Variants in MSR1 observed in about 807,000 individuals in gnomAD.
MSR1 encodes macrophage scavenger receptor types I and II.
A neutral mutation model predicts 47.2 loss-of-function variants in MSR1; 53 were observed. That is an observed-to-expected ratio of 1.12 (90% CI 0.90 to 1.41). The LOEUF (loss-of-function observed/expected upper bound fraction) is 1.41, where lower values mean the gene tolerates loss of function less well. Ranked by LOEUF, MSR1 falls within the 40% of genes most tolerant of loss-of-function variation. MSR1 has a pLI of 0.00. For missense variants in MSR1, 786 were observed against 546.9 expected (o/e 1.44, Z -4.36); for synonymous variants, 239 against 185.6 (o/e 1.29, Z -2.34).
rs188790023 is a variant in MSR1 at position 16,116,022 on chromosome 8, T to C, written c.1222+4396A>G. Among the ~76,000 whole-genome samples the C allele has an allele frequency of 1.3e-5, 2 of 152,154 alleles. 1 individual carries two copies. The highest frequency in any genetic ancestry group is 2.9e-5 in the Non-Finnish European group (2 of 68,014). On this transcript the variant is annotated intron_variant, in intron 9 of 9. Coordinates refer to ENST00000262101, the MANE Select transcript of MSR1 (RefSeq NM_138715.3). Reference sequence around the variant, plus strand: ...AAATCTAAGTCATATTAGTGGGATATCTACTTTGAATTAGCCTTGGAATAT... The same window carrying C: ...AAATCTAAGTCATATTAGTGGGATACCTACTTTGAATTAGCCTTGGAATAT...
At chr8:16,183,381 T>G (rs1801892854) in intron 1 of MSR1, among the ~76,000 whole-genome samples, 1 of 151,684 alleles carries the variant, frequency 6.6e-6, no homozygotes, top group East Asian at 1.9e-4. Flanking sequence ...CCACATTATG[T>G]CACTACAGCC....
intron 8 of MSR1, among the ~76,000 whole-genome samples, chr8:16,137,245 G>A (rs1800412779): frequency 6.6e-6 from 1 of 152,050 alleles, no homozygotes; most frequent in African/African-American, 2.4e-5. Context: ...AATATCCTTA[G>A]GAGGGAGACT....
intron 8 of MSR1, among the ~76,000 whole-genome samples, chr8:16,125,981 T>C (rs1800119485): frequency 6.6e-6 from 1 of 152,148 alleles, no homozygotes; most frequent in African/African-American, 2.4e-5. Context: ...ATGGTAAATG[T>C]GAACATTTCA....
chr8:16,162,082 T>C (rs755053215), intron 5 of MSR1, among the ~76,000 whole-genome samples: 20 of 151,960 alleles, frequency 1.3e-4, no homozygotes, highest in Non-Finnish European at 1.9e-4. Context: ...ATAAATCCAC[T>C]AATATAAGAA....
At chr8:16,187,734 T>G (rs2116940869) in intron 1 of MSR1, among the ~76,000 whole-genome samples, 1 of 152,252 alleles carries the variant, frequency 6.6e-6, no homozygotes, top group Non-Finnish European at 1.5e-5. Context: ...AACTTTGTGG[T>G]TCACTAAAGT....
At chr8:16,164,418 T>C (rs999311658) in intron 4 of MSR1, among the ~76,000 whole-genome samples, 167 bp from the exon 5 acceptor site, 14 of 152,094 alleles carry the variant, frequency 9.2e-5, no homozygotes, top group African/African-American at 3.4e-4. Context: ...AATTCTTTAA[T>C]TGTGAAACAT....
intron 1 of MSR1, among the ~76,000 whole-genome samples, chr8:16,190,329 A>G (rs1046821960): frequency 1.3e-5 from 2 of 152,222 alleles, no homozygotes; most frequent in African/African-American, 4.8e-5. Flanking sequence ...CTTTAAAAAG[A>G]TAACATAAAT....
chr8:16,158,493 T>A (rs915474821), intron 5 of MSR1, among the ~76,000 whole-genome samples: 1 of 151,966 alleles, frequency 6.6e-6, no homozygotes, highest in African/African-American at 2.4e-5. Context: ...TCTGACTAAG[T>A]TTCCAGAGCG....
rs372882681 is a variant in MSR1, at chr8:16,164,098, A to T, written c.784T>A (p.Ser262Thr). 4 of 1,610,848 alleles carry T rather than the reference A, an allele frequency of 2.5e-6. No individual in the cohort carries two copies. The highest frequency in any genetic ancestry group is 3.4e-6 in the Non-Finnish European group (4 of 1,177,994). Residue 262 changes from serine to threonine, a missense_variant, in exon 5 of 10, where the codon TCT (serine) becomes ACT (threonine). By Grantham distance (58) the Ser-to-Thr change is moderately conservative. Coordinates refer to ENST00000262101, the MANE Select transcript of MSR1 (RefSeq NM_138715.3). ...AAAGTGATATTTCTCAAGGTCTGAG[A>T]ATGTTCCCAATCTTTCAGTCTGAGA... ...NDLRLKDWEH[S>T]QTLRNITLIQ...
At chr8:16,172,374 G>A (rs150530887) in intron 3 of MSR1, among the ~76,000 whole-genome samples, 11 of 152,148 alleles carry the variant, frequency 7.2e-5, no homozygotes, top group African/African-American at 2.4e-4. Flanking sequence ...CTGTTTCATC[G>A]AACCCTGAGT....
chr8:16,132,819 G>A (rs746000899), intron 8 of MSR1, among the ~76,000 whole-genome samples: 4 of 148,124 alleles, frequency 2.7e-5, no homozygotes, highest in Non-Finnish European at 6.1e-5. Context: ...CTGAACAGGA[G>A]TAGTGGAGAG....
intron 1 of MSR1, among the ~76,000 whole-genome samples, chr8:16,189,266 TTA>T (rs1802096245): frequency 7.2e-6 from 1 of 138,792 alleles, no homozygotes; most frequent in South Asian, 2.2e-4. Flanking sequence ...CTTATTTTAT[TTA>T]TATTTCAAAT....
At chr8:16,186,051 G>T in intron 1 of MSR1, 3 of 971,712 alleles carry the variant, frequency 3.1e-6, no homozygotes, top group African/African-American at 3.3e-5. Flanking sequence ...AATTTAAGTT[G>T]TTTTTCCTGT....
chr8:16,176,734 C>T (rs1028776634), intron 2 of MSR1, among the ~76,000 whole-genome samples: 13 of 152,022 alleles, frequency 8.6e-5, no homozygotes, highest in Admixed American at 5.2e-4. Flanking sequence ...TCTCTGCTCC[C>T]GATGTCTCTC....
Position 16,187,364 on chromosome 8 carries a change from C to CAA in MSR1, c.-5+5232_-5+5233dup, listed in dbSNP as rs751848634. ...GGCAACAAGAATAAAACTCTGTCTCCAAAAAAAAAAAAAAAAAAAAAAAAA... is the reference window on the plus strand; with the variant it reads ...GGCAACAAGAATAAAACTCTGTCTCCAAAAAAAAAAAAAAAAAAAAAAAAAAA... On this transcript the variant is annotated intron_variant, in intron 1 of 9. Coordinates refer to ENST00000262101, the MANE Select transcript of MSR1 (RefSeq NM_138715.3). 7.2e-3 allele frequency among the ~76,000 whole-genome samples: 255 copies of CAA among 35,210 alleles called. 1 individual carries two copies. Among genetic ancestry groups the CAA allele is most frequent in the South Asian group, 0.02 (14 of 698 alleles). The allele number at this position is 35,210 out of a possible 152,430, so 23.1% of individuals were successfully genotyped here.
chr8:16,123,956 T>C (rs1462286574), intron 8 of MSR1, among the ~76,000 whole-genome samples: 1 of 152,176 alleles, frequency 6.6e-6, no homozygotes. Context: ...TGCTCTCCTG[T>C]TCACTTGATA....
chr8:16,117,815 C>T (rs1799910568), intron 9 of MSR1, among the ~76,000 whole-genome samples: 1 of 152,060 alleles, frequency 6.6e-6, no homozygotes, highest in Admixed American at 6.5e-5. Flanking sequence ...AGAGCTCCCA[C>T]TGATTCCACA....
At chr8:16,127,153 A>G (rs12681382) in intron 8 of MSR1, among the ~76,000 whole-genome samples, 5,710 of 152,224 alleles carry the variant, frequency 0.038, 218 homozygotes, top group East Asian at 0.12. Flanking sequence ...AACTTTTGGA[A>G]ATCACATGTA....
intron 1 of MSR1, among the ~76,000 whole-genome samples, chr8:16,184,196 G>A (rs1285233114): frequency 1.3e-5 from 2 of 151,726 alleles, no homozygotes; most frequent in African/African-American, 4.8e-5. Context: ...GATTTAAAAA[G>A]CCAAGTGTCC....
Sources: gnomAD v4.1 joint callset for allele counts (sites outside exome capture counted in the v4.1 genomes callset) on GRCh38, gnomAD v4.1.1 for gene constraint, MANE v1.5 for transcripts, NCBI Gene and HGNC (gene_info 2026-07-23, HGNC 2026-07-21) for gene names.